Variants in PTPRD observed in about 807,000 individuals in gnomAD.
PTPRD encodes protein tyrosine phosphatase receptor type D.
A neutral mutation model predicts 214.5 loss-of-function variants in PTPRD; 34 were observed. The observed-to-expected ratio is 0.16, with a 90% CI of 0.12 to 0.21. The LOEUF (loss-of-function observed/expected upper bound fraction) is 0.21. Among genes scored for constraint, PTPRD ranks in the 10% least tolerant of loss-of-function variants. PTPRD has a pLI of 1.00. For missense variants in PTPRD, 2,545 were observed against 2,398.7 expected, an observed-to-expected ratio of 1.06 and a Z score of -1.27; for synonymous variants, 1,128 against 845.7, an observed-to-expected ratio of 1.33 and a Z score of -5.79.
intron 10 of PTPRD, among the ~76,000 whole-genome samples, chr9:9,067,651 G>A (rs1406465364): frequency 6.6e-6 from 1 of 151,996 alleles, no homozygotes; most frequent in African/African-American, 2.4e-5. Context: ...TCTTTATTTT[G>A]TTATAATATA....
At chr9:10,017,604 T>C (rs900191622) in intron 4 of PTPRD, among the ~76,000 whole-genome samples, 2 of 152,210 alleles carry the variant, frequency 1.3e-5, no homozygotes, top group African/African-American at 4.8e-5. Context: ...CTGAATGGTG[T>C]GAAGTAGGAG....
rs543242935 is a variant in PTPRD, at chr9:9,107,890, TG to T, written c.-143+75413del. Among the ~76,000 whole-genome samples, 725 of 152,260 alleles carry T rather than the reference TG, an allele frequency of 4.8e-3. 4 individuals are homozygous for T. Among genetic ancestry groups the T allele is most frequent in the African/African-American group, 0.017 (692 of 41,558 alleles). Reference sequence around the variant, plus strand: ...CCTTTATTTGTTCTTTGAAAGCCTGTGTTGTGTATATTTCATGGAAAAATCT... The same window carrying T: ...CCTTTATTTGTTCTTTGAAAGCCTGTTTGTGTATATTTCATGGAAAAATCT... On this transcript the variant is annotated intron_variant, in intron 10 of 45. Coordinates refer to ENST00000381196, the MANE Select transcript of PTPRD (RefSeq NM_002839.4).
At chr9:9,843,051 G>A (rs2058705647) in intron 5 of PTPRD, among the ~76,000 whole-genome samples, 1 of 152,014 alleles carries the variant, frequency 6.6e-6, no homozygotes, top group Non-Finnish European at 1.5e-5. Flanking sequence ...CATAAATAAG[G>A]TTTTATTGGA....
chr9:8,712,498 G>T (rs79642990), intron 12 of PTPRD, among the ~76,000 whole-genome samples: 3 of 151,562 alleles, frequency 2.0e-5, no homozygotes, highest in African/African-American at 4.8e-5. Context: ...GCATGTAAAG[G>T]CTTCTTCAAA....
chr9:8,364,864 GTC>G (rs2079410462), intron 39 of PTPRD, among the ~76,000 whole-genome samples: 1 of 152,106 alleles, frequency 6.6e-6, no homozygotes, highest in Non-Finnish European at 1.5e-5. Context: ...GCTTAATTGG[GTC>G]TAATGTGTCA....
intron 11 of PTPRD, among the ~76,000 whole-genome samples, chr9:8,741,836 A>G (rs1467049348): frequency 2.0e-5 from 3 of 151,924 alleles, no homozygotes; most frequent in African/African-American, 7.3e-5. Context: ...TGAGTGGCCC[A>G]TCTCAGCCTC....
At chr9:9,956,891 A>T (rs1299385859) in intron 4 of PTPRD, among the ~76,000 whole-genome samples, 2 of 152,162 alleles carry the variant, frequency 1.3e-5, no homozygotes, top group Non-Finnish European at 1.5e-5. Flanking sequence ...TCAACTTTAA[A>T]CACATATTAG....
chr9:10,141,734 A>G (rs975719165), intron 3 of PTPRD, among the ~76,000 whole-genome samples: 1 of 152,152 alleles, frequency 6.6e-6, no homozygotes, highest in Non-Finnish European at 1.5e-5. Flanking sequence ...CTTTCTTCAC[A>G]GAATTGGAAA....
intron 9 of PTPRD, among the ~76,000 whole-genome samples, chr9:9,225,083 T>A (rs1484461923): frequency 1.3e-5 from 2 of 152,060 alleles, no homozygotes; most frequent in Non-Finnish European, 2.9e-5. Context: ...TTTGTCTTTT[T>A]TCTACAAAGA....
chr9:9,853,143 T>C (rs567373912), intron 5 of PTPRD, among the ~76,000 whole-genome samples: 3 of 152,298 alleles, frequency 2.0e-5, no homozygotes, highest in Admixed American at 1.3e-4. Flanking sequence ...GTGCTAAATA[T>C]TTTCTGTAAA....
At chr9:8,593,679 C>T (rs1412896291) in intron 14 of PTPRD, among the ~76,000 whole-genome samples, 6 of 152,112 alleles carry the variant, frequency 3.9e-5, no homozygotes, top group Non-Finnish European at 8.8e-5. Context: ...GTTTCGAGGC[C>T]ATATCCTTAA....
At chr9:8,598,904 G>A (rs994238114) in intron 14 of PTPRD, among the ~76,000 whole-genome samples, 2 of 152,168 alleles carry the variant, frequency 1.3e-5, no homozygotes, top group South Asian at 2.1e-4. Flanking sequence ...AGAGTGTATA[G>A]AGTTCTGCTC....
chr9:10,275,684 G>A lies in PTPRD; in HGVS notation c.-545+65279C>T, dbSNP rs558537993. Among the ~76,000 whole-genome samples, 62 of 152,222 alleles carry A rather than the reference G, an allele frequency of 4.1e-4. 1 individual carries two copies. The highest frequency in any genetic ancestry group is 3.4e-3 in the Middle Eastern group (1 of 294). On this transcript the variant is annotated intron_variant, in intron 3 of 45. Coordinates refer to ENST00000381196, the MANE Select transcript of PTPRD (RefSeq NM_002839.4). Reference sequence around the variant, plus strand: ...TAGAGGTAGAAATTGCTAGAAACTAGGTTAAGTTCACCTGTCCCAGAATTG... The same window carrying A: ...TAGAGGTAGAAATTGCTAGAAACTAAGTTAAGTTCACCTGTCCCAGAATTG...
At chr9:8,751,490 C>A (rs968023499) in intron 11 of PTPRD, among the ~76,000 whole-genome samples, 14 of 152,066 alleles carry the variant, frequency 9.2e-5, no homozygotes, top group Admixed American at 8.5e-4. Flanking sequence ...ATTTTAAACT[C>A]TGTAATGTTA....
chr9:8,408,210 TCCACCCTGACCATGCA>T (rs1432611780), intron 35 of PTPRD, among the ~76,000 whole-genome samples: 54 of 152,290 alleles, frequency 3.5e-4, no homozygotes, highest in African/African-American at 1.3e-3. Context: ...TTTCGGTCAG[TCCACCCTGACCATGCA>T]TCTTTTTTAC....
chr9:9,018,395 G>T (rs2099545331), intron 11 of PTPRD, among the ~76,000 whole-genome samples: 1 of 152,084 alleles, frequency 6.6e-6, no homozygotes, highest in Non-Finnish European at 1.5e-5. Context: ...GTCTATAGAT[G>T]TGTATTTGCT....
intron 39 of PTPRD, 75 bp from the exon 40 acceptor site, chr9:8,342,053 ATTC>A: frequency 7.2e-7 from 1 of 1,387,666 alleles, no homozygotes; most frequent in Non-Finnish European, 9.5e-7. Flanking sequence ...TATTTTTATT[ATTC>A]TTATTAACTA....
intron 8 of PTPRD, among the ~76,000 whole-genome samples, chr9:9,546,065 T>A (rs983192749): frequency 4.6e-5 from 7 of 151,796 alleles, no homozygotes; most frequent in Non-Finnish European, 8.8e-5. Flanking sequence ...GGTATTGTGT[T>A]TTTAATCTCA....
intron 3 of PTPRD, among the ~76,000 whole-genome samples, chr9:10,254,808 A>C (rs138072187): frequency 6.6e-6 from 1 of 152,314 alleles, no homozygotes; most frequent in East Asian, 1.9e-4. Context: ...TATGCTTATC[A>C]TCTGTATTTA....
Sources: allele counts gnomAD v4.1 joint callset (sites outside exome capture counted in the v4.1 genomes callset), GRCh38; gene constraint gnomAD v4.1.1; transcripts MANE v1.5; gene names NCBI Gene and HGNC (gene_info 2026-07-23, HGNC 2026-07-21).